RBM7: variants seen among roughly 807,000 people sequenced by gnomAD.
The protein encoded by RBM7 is RNA-binding protein 7.
A neutral mutation model predicts 31.0 loss-of-function variants in RBM7; 13 were observed. The observed-to-expected ratio is 0.42, with a 90% confidence interval of 0.27 to 0.67. The LOEUF is 0.67. Among genes scored for constraint, RBM7 ranks in the 30% least tolerant of loss-of-function variants. The pLI, the probability that RBM7 is intolerant of heterozygous loss-of-function variation, is 0.24. For missense variants in RBM7, 245 were observed against 326.2 expected (o/e 0.75, Z 1.92); for synonymous variants, 106 against 111.2 (o/e 0.95, Z 0.30).
intron 4 of RBM7, chr11:114,406,376 T>C (rs770999829): frequency 6.6e-6 from 1 of 152,220 alleles, no homozygotes. Flanking sequence ...AAATGAAATA[T>C]AGAAGTCAAA....
intron 3 of RBM7, among the ~76,000 whole-genome samples, chr11:114,405,159 C>T (rs1946250675): frequency 6.6e-6 from 1 of 152,146 alleles, no homozygotes; most frequent in African/African-American, 2.4e-5. Context: ...TAGGTCTTTG[C>T]ATTAGCTCAG....
At chr11:114,400,941 T>A (rs1284819683) in intron 1 of RBM7, among the ~76,000 whole-genome samples, 174 bp downstream of exon 1, 3 of 151,980 alleles carry the variant, frequency 2.0e-5, no homozygotes, top group Non-Finnish European at 4.4e-5. Flanking sequence ...TCCTGGAAGA[T>A]CTTGGTTCGT....
At chr11:114,400,964 T>C (rs1946191736) in intron 1 of RBM7, among the ~76,000 whole-genome samples, 197 bp downstream of exon 1, 1 of 152,052 alleles carries the variant, frequency 6.6e-6, no homozygotes, top group Non-Finnish European at 1.5e-5. Flanking sequence ...AGGCCGAAAG[T>C]GACGACTAAA....
chr11:114,402,862 A>G lies in RBM7; in HGVS notation c.294A>G (p.Ser98=), dbSNP rs751457565. The G allele has an allele frequency of 6.2e-7, 1 of 1,613,308 alleles. No individual in the cohort carries two copies. The highest frequency in any genetic ancestry group is 8.5e-7 in the Non-Finnish European group (1 of 1,179,330). Residue 98 remains serine, a synonymous_variant, in exon 3 of 5, where the codon TCA becomes TCG. Coordinates refer to ENST00000375490, the MANE Select transcript of RBM7 (RefSeq NM_001286045.2). ...SSHAPQDVSL[S]YPQHHVGNSS... ...ATGCCCCACAAGATGTCAGTTTGTCATATCCCCAACATCATGTTGGAAATT... is the reference window on the plus strand; with the variant it reads ...ATGCCCCACAAGATGTCAGTTTGTCGTATCCCCAACATCATGTTGGAAATT...
At position 114,408,923 on chromosome 11, in the gene RBM7, TTA is replaced by T. The variant is rs1011057170; in HGVS notation, c.*1118_*1119del. The T allele has an allele frequency of 6.6e-6, 1 of 151,714 alleles. No individual in the cohort carries two copies. Among genetic ancestry groups the T allele is most frequent in the African/African-American group, 2.4e-5 (1 of 41,248 alleles). The allele number at this position is 151,714 out of a possible 1,614,324, so 9.4% of individuals were successfully genotyped here. On this transcript the variant is annotated 3_prime_UTR_variant, in exon 5 of 5. Coordinates refer to ENST00000375490, the MANE Select transcript of RBM7 (RefSeq NM_001286045.2). ...GAAAATATAAAAGGAAGGGTGTGTG[TTA>T]TTTTTTTTTTTTTATGTCACTGACT...
At position 114,405,041 on chromosome 11, in the gene RBM7, G is replaced by A. The variant is rs556150722; in HGVS notation, c.348-665G>A. 1.5e-4 allele frequency among the ~76,000 whole-genome samples: 23 copies of A among 152,026 alleles called. No individual in the cohort carries two copies. The South Asian group carries it at 4.2e-3, about 27-fold the overall frequency. The stretch of plus-strand genomic sequence containing the variant: ...AAAACCTCTTTCTCTTTTTTGTCTC[G>A]GGAAATATCTACCTAATTGCTCAAG... On this transcript the variant is annotated intron_variant, in intron 3 of 4. Coordinates refer to ENST00000375490, the MANE Select transcript of RBM7 (RefSeq NM_001286045.2).
chr11:114,404,811 G>GA (rs1946244997), intron 3 of RBM7, among the ~76,000 whole-genome samples: 3 of 151,976 alleles, frequency 2.0e-5, no homozygotes, highest in South Asian at 4.1e-4. Flanking sequence ...AACCTGATTT[G>GA]AAAAAACGCA....
In RBM7 at chr11:114,402,860, T is replaced by C; in HGVS notation, c.292T>C (p.Ser98Pro). Residue 98 changes from serine (S) to proline (P), a missense_variant, in exon 3 of 5, where the codon TCA becomes CCA. Ser to Pro is a moderately conservative substitution (Grantham distance 74). Coordinates refer to ENST00000375490, the MANE Select transcript of RBM7 (RefSeq NM_001286045.2). Reference sequence around the variant, plus strand: ...TCATGCCCCACAAGATGTCAGTTTGTCATATCCCCAACATCATGTTGGAAA... The same window carrying C: ...TCATGCCCCACAAGATGTCAGTTTGCCATATCCCCAACATCATGTTGGAAA... ...SSHAPQDVSLSYPQHHVGNSS... is the reference protein window; with the variant it reads ...SSHAPQDVSLPYPQHHVGNSS... The C allele has an allele frequency of 6.2e-7, 1 of 1,613,276 alleles. No homozygotes were observed. Among genetic ancestry groups the C allele is most frequent in the Non-Finnish European group, 8.5e-7 (1 of 1,179,314 alleles).
At chr11:114,401,053 C>T (rs1480258086) in intron 1 of RBM7, among the ~76,000 whole-genome samples, 1 of 152,078 alleles carries the variant, frequency 6.6e-6, no homozygotes, top group Non-Finnish European at 1.5e-5. Flanking sequence ...TGTGTAGGGT[C>T]TTCGTTGAGC....
chr11:114,400,838 GTTTTC>G (rs965052909), intron 1 of RBM7, 71 bp downstream of exon 1: 2 of 1,570,844 alleles, frequency 1.3e-6, no homozygotes, highest in Non-Finnish European at 1.7e-6. Flanking sequence ...CGGCCACCCC[GTTTTC>G]TTTTCGTAGC....
chr11:114,405,500 T>A (rs934677368), intron 3 of RBM7, among the ~76,000 whole-genome samples: 2 of 152,226 alleles, frequency 1.3e-5, no homozygotes, highest in Admixed American at 6.5e-5. Flanking sequence ...CCTATCTGTT[T>A]CACTTCCACT....
intron 3 of RBM7, 97 bp from the exon 4 acceptor site, chr11:114,405,609 C>T (rs775420127): frequency 6.9e-6 from 5 of 726,890 alleles, no homozygotes; most frequent in Non-Finnish European, 1.1e-5. Context: ...CCTTTCCTGT[C>T]TTGTTCATTC....
chr11:114,401,486 G>A (rs1160627933), intron 1 of RBM7, among the ~76,000 whole-genome samples: 1 of 152,174 alleles, frequency 6.6e-6, no homozygotes, highest in African/African-American at 2.4e-5. Flanking sequence ...TGTGTTTCCA[G>A]TTCCTTATGG....
chr11:114,405,987 T>G (rs1946262195), intron 4 of RBM7, 188 bp downstream of exon 4: 3 of 513,272 alleles, frequency 5.8e-6, no homozygotes, highest in Non-Finnish European at 1.0e-5. Context: ...CTAGCATGAT[T>G]TGTAGATTGA....
intron 1 of RBM7, among the ~76,000 whole-genome samples, 177 bp downstream of exon 1, chr11:114,400,944 T>G (rs577954698): frequency 2.0e-5 from 3 of 152,154 alleles, no homozygotes; most frequent in Admixed American, 2.0e-4. Context: ...TGGAAGATCT[T>G]GGTTCGTTTA....
rs1207347210 is a variant in RBM7 at position 114,410,144 on chromosome 11, G to A, written c.*2337G>A. On this transcript the variant is annotated 3_prime_UTR_variant, in exon 5 of 5. Coordinates refer to ENST00000375490, the MANE Select transcript of RBM7 (RefSeq NM_001286045.2). ...ATCTATATTGACAGCTGCAAGAACA[G>A]AAAGGAAGAAGAGATTATTTTTGTG... The A allele has an allele frequency of 6.6e-6, 1 of 151,964 alleles. No individual in the cohort carries two copies. The highest frequency in any genetic ancestry group is 1.5e-5 in the Non-Finnish European group (1 of 68,022). 9.4% of individuals were successfully genotyped at this position (151,964 alleles called of 1,614,324 possible). A position where few individuals can be genotyped will look rare whatever the true frequency, so the allele number is the denominator to read the frequency against.
rs1231010016 is a variant in RBM7, at chr11:114,407,103, T to C, written c.442-342T>C. The C allele has an allele frequency of 5.6e-5, 10 of 178,956 alleles. No homozygotes were observed. In the South Asian group the frequency reaches 1.6e-3, roughly 29 times the overall value. 11.1% of individuals were successfully genotyped at this position (178,956 alleles called of 1,614,324 possible). A position where few individuals can be genotyped will look rare whatever the true frequency, so the allele number is the denominator to read the frequency against. On this transcript the variant is annotated intron_variant, in intron 4 of 4. Transcript: ENST00000375490. ...TCTCTCCCTTAAAATATGAAAATAT[T>C]CCATCCATTGTTTTAATACCCAGAT...
intron 4 of RBM7, chr11:114,407,040 T>C (rs974243889): frequency 6.8e-5 from 11 of 161,186 alleles, no homozygotes. Flanking sequence ...TGTGTTTCCC[T>C]GTTATTTTTG....
At chr11:114,402,707 T>C in intron 2 of RBM7, 121 bp from the exon 3 acceptor site, 1 of 849,038 alleles carries the variant, frequency 1.2e-6, no homozygotes, top group South Asian at 1.5e-5. Context: ...GCCCGGCCAG[T>C]AGTTTGAGAT....
Sources: gnomAD v4.1 joint callset for allele counts (sites outside exome capture counted in the v4.1 genomes callset) on GRCh38, gnomAD v4.1.1 for gene constraint, MANE v1.5 for transcripts, NCBI Gene and HGNC (gene_info 2026-07-23, HGNC 2026-07-21) for gene names.